Variants in PRKG1 observed in about 807,000 individuals in gnomAD.
The protein encoded by PRKG1 is protein kinase cGMP-dependent 1.
PRKG1 carries 35 observed loss-of-function variants against 88.1 expected under a neutral mutation model. That is an observed-to-expected ratio of 0.40 (90% CI 0.30 to 0.53). PRKG1 has a LOEUF of 0.53. Among genes scored for constraint, PRKG1 ranks in the 20% least tolerant of loss-of-function variants. PRKG1 has a pLI of 0.59. For synonymous variants in PRKG1, 303 were observed against 292.5 expected (o/e 1.04, Z -0.37); for missense variants, 540 against 839.8 (o/e 0.64, Z 4.41).
At chr10:51,218,686 A>C (rs1385140569) in intron 2 of PRKG1, among the ~76,000 whole-genome samples, 1 of 151,700 alleles carries the variant, frequency 6.6e-6, no homozygotes, top group Non-Finnish European at 1.5e-5. Flanking sequence ...TAATGTCTTG[A>C]TATTTTGTTC....
intron 9 of PRKG1, among the ~76,000 whole-genome samples, chr10:52,229,266 G>T (rs1056628001): frequency 1.3e-5 from 2 of 152,114 alleles, no homozygotes; most frequent in Admixed American, 6.5e-5. Context: ...TTTGCCAAAG[G>T]CAAGAAAGTA....
chr10:51,578,008 G>C (rs1837932050), intron 3 of PRKG1, among the ~76,000 whole-genome samples: 1 of 152,040 alleles, frequency 6.6e-6, no homozygotes, highest in Non-Finnish European at 1.5e-5. Context: ...TTGTTCGTTA[G>C]GATTCTCTAA....
intron 2 of PRKG1, among the ~76,000 whole-genome samples, chr10:51,210,002 C>A (rs1838169401): frequency 6.6e-6 from 1 of 152,042 alleles, no homozygotes; most frequent in Non-Finnish European, 1.5e-5. Flanking sequence ...TCTTCCCAAC[C>A]CTTTTTAATG....
intron 1 of PRKG1, among the ~76,000 whole-genome samples, chr10:51,118,027 C>T (rs571925831): frequency 1.3e-5 from 2 of 152,244 alleles, no homozygotes; most frequent in Non-Finnish European, 2.9e-5. Flanking sequence ...TCAGTGATGA[C>T]TTGCAGATGT....
At chr10:51,512,200 T>TTA (rs1359292866) in intron 3 of PRKG1, among the ~76,000 whole-genome samples, 80 of 150,916 alleles carry the variant, frequency 5.3e-4, no homozygotes, top group African/African-American at 1.9e-3. Flanking sequence ...TTAGTTTTTT[T>TTA]TTTTTTATTA....
In PRKG1 at chr10:51,916,913, T is replaced by G. The variant is rs1223139107; in HGVS notation, c.762+9343T>G. 2.0e-5 allele frequency among the ~76,000 whole-genome samples: 3 copies of G among 152,288 alleles called. No homozygotes were observed. In the Middle Eastern group the frequency reaches 0.01, roughly 518 times the overall value. On this transcript the variant is annotated intron_variant, in intron 5 of 17. Transcript: ENST00000373980. ...AAGCATTTTGTTAAGTAAATAAAAG[T>G]AAAATGACACATATTGTGTGATTTC...
At chr10:51,291,361 T>C (rs1429835038) in intron 2 of PRKG1, among the ~76,000 whole-genome samples, 1 of 152,176 alleles carries the variant, frequency 6.6e-6, no homozygotes, top group African/African-American at 2.4e-5. Context: ...GGAAGTAGTT[T>C]CTCTGTCTCT....
At chr10:52,097,034 A>G (rs1847188779) in intron 7 of PRKG1, among the ~76,000 whole-genome samples, 1 of 148,080 alleles carries the variant, frequency 6.8e-6, no homozygotes, top group African/African-American at 2.7e-5. Flanking sequence ...TTAGAAAGTT[A>G]AAAATCAGAT....
intron 2 of PRKG1, among the ~76,000 whole-genome samples, chr10:51,393,746 G>A (rs890080014): frequency 6.6e-6 from 1 of 152,162 alleles, no homozygotes; most frequent in Non-Finnish European, 1.5e-5. Context: ...AGGTATAGCA[G>A]CAGAACTAAA....
chr10:51,584,987 A>T (rs1226133787), intron 3 of PRKG1, among the ~76,000 whole-genome samples: 4 of 152,122 alleles, frequency 2.6e-5, no homozygotes, highest in Admixed American at 2.0e-4. Context: ...ACCCCCGATA[A>T]GTTTAAGAAT....
chr10:52,068,527 G>T (rs996160935), intron 7 of PRKG1, among the ~76,000 whole-genome samples: 31 of 152,150 alleles, frequency 2.0e-4, no homozygotes, highest in African/African-American at 7.2e-4. Context: ...CTGAAATGGG[G>T]ATTATGATTA....
intron 3 of PRKG1, among the ~76,000 whole-genome samples, chr10:51,644,384 G>A (rs1208326195): frequency 6.6e-6 from 1 of 152,058 alleles, no homozygotes; most frequent in Non-Finnish European, 1.5e-5. Flanking sequence ...TTAATGTCTA[G>A]ATCCATTTGC....
chr10:51,016,241 A>G (rs1267143275), intron 1 of PRKG1, among the ~76,000 whole-genome samples: 2 of 152,242 alleles, frequency 1.3e-5, no homozygotes, highest in Non-Finnish European at 2.9e-5. Context: ...TCAGTCAAGC[A>G]TTAAAACATC....
At chr10:51,043,233 C>T (rs551936788) in intron 1 of PRKG1, among the ~76,000 whole-genome samples, 10 of 152,236 alleles carry the variant, frequency 6.6e-5, no homozygotes, top group African/African-American at 2.4e-4. Context: ...ATCCATCAGC[C>T]ACCAATACTC....
intron 2 of PRKG1, among the ~76,000 whole-genome samples, chr10:51,406,087 T>G (rs1837904095): frequency 6.6e-6 from 1 of 152,182 alleles, no homozygotes; most frequent in Admixed American, 6.6e-5. Context: ...CTGTCTCTAC[T>G]TCTCCAGTTA....
intron 5 of PRKG1, among the ~76,000 whole-genome samples, chr10:52,025,964 A>G (rs1169355742): frequency 6.6e-6 from 1 of 151,858 alleles, no homozygotes; most frequent in African/African-American, 2.4e-5. Context: ...TGGTACCAAA[A>G]CAGATATATA....
intron 4 of PRKG1, among the ~76,000 whole-genome samples, chr10:51,861,297 A>G (rs1276499469): frequency 6.6e-6 from 1 of 152,214 alleles, no homozygotes; most frequent in African/African-American, 2.4e-5. Context: ...ACATTTGTCA[A>G]CTTGGATAGA....
chr10:51,984,831 T>C (rs1005247286), intron 5 of PRKG1, among the ~76,000 whole-genome samples: 1 of 152,080 alleles, frequency 6.6e-6, no homozygotes, highest in Non-Finnish European at 1.5e-5. Flanking sequence ...TTAGAAGATT[T>C]AACAGAAAAA....
rs190611655 is a variant in PRKG1 at position 51,193,404 on chromosome 10, G to A, written c.478+40074G>A. Among the ~76,000 whole-genome samples, 33 of 151,998 alleles carry A rather than the reference G, an allele frequency of 2.2e-4. No homozygotes were observed. In the East Asian group the frequency reaches 5.0e-3, roughly 23 times the overall value. On this transcript the variant is annotated intron_variant, in intron 2 of 17. Transcript: ENST00000373980. ...TTTTTAATAAGCATTGTATCACAAG[G>A]TGGATTGTTATTATATATATAATAA...
Sources: allele counts gnomAD v4.1 joint callset (sites outside exome capture counted in the v4.1 genomes callset), GRCh38; gene constraint gnomAD v4.1.1; transcripts MANE v1.5; gene names NCBI Gene and HGNC (gene_info 2026-07-23, HGNC 2026-07-21).